The following GYS2 variants were observed in gnomAD, a reference collection of about 807,000 sequenced individuals.
GYS2 encodes the protein glycogen synthase 2, also known as glycogen [starch] synthase, liver.
Under a neutral mutation model 85.6 loss-of-function variants are expected in GYS2, and 80 were observed. The ratio of observed to expected loss-of-function variants is 0.93; its 90% confidence interval spans 0.78 to 1.13. The LOEUF is 1.13. GYS2 is among the 50% of genes most tolerant of loss of function. The probability of loss-of-function intolerance (pLI) is 0.00; values close to 1 mark genes in which losing one functional copy is unlikely to be tolerated. For missense variants in GYS2, 881 were observed against 854.9 expected (o/e 1.03, Z -0.38); for synonymous variants, 328 against 300.7 (o/e 1.09, Z -0.94).
chr12:21,596,407 A>T (rs1184934544), intron 1 of GYS2, among the ~76,000 whole-genome samples: 2 of 152,142 alleles, frequency 1.3e-5, no homozygotes, highest in African/African-American at 4.8e-5. Context: ...CACCATGATC[A>T]AGCAGGTTCC....
chr12:21,601,531 C>T (rs1227758094), intron 1 of GYS2, among the ~76,000 whole-genome samples: 1 of 152,122 alleles, frequency 6.6e-6, no homozygotes, highest in Non-Finnish European at 1.5e-5. Flanking sequence ...AGTTCTCTCA[C>T]ATAGAACGCT....
intron 11 of GYS2, among the ~76,000 whole-genome samples, chr12:21,556,535 A>C (rs1944181590): frequency 6.6e-6 from 1 of 152,088 alleles, no homozygotes; most frequent in African/African-American, 2.4e-5. Flanking sequence ...CCATGCACCA[A>C]TGTCTCTCCT....
At chr12:21,601,283 C>A (rs1038989352) in intron 1 of GYS2, among the ~76,000 whole-genome samples, 1 of 152,038 alleles carries the variant, frequency 6.6e-6, no homozygotes, top group Non-Finnish European at 1.5e-5. Flanking sequence ...AACAGTGCTT[C>A]TTCCAAAACA....
intron 1 of GYS2, among the ~76,000 whole-genome samples, chr12:21,580,777 G>T (rs1001755371): frequency 6.6e-6 from 1 of 152,134 alleles, no homozygotes; most frequent in Non-Finnish European, 1.5e-5. Context: ...GGCTGATGCC[G>T]CAAAGAGGTC....
rs1480378788 is a variant in GYS2, at chr12:21,536,967, T to G, written c.2099A>C (p.Glu700Ala). Residue 700 changes from glutamate to alanine, a missense_variant, in exon 16 of 16, where the codon GAA becomes GCA. Coordinates refer to ENST00000261195, the MANE Select transcript of GYS2 (RefSeq NM_021957.4). Reference protein sequence around the residue: ...VPHGKKKLHGEYKN With the variant: ...VPHGKKKLHGAYKN ...CACATGTAGAATTCAGTTCTTATATTCACCATGCAGCTTTTTCTTCCCATG... is the reference window on the plus strand; with the variant it reads ...CACATGTAGAATTCAGTTCTTATATGCACCATGCAGCTTTTTCTTCCCATG... 2 of 1,611,218 alleles carry G rather than the reference T, an allele frequency of 1.2e-6. No individual in the cohort carries two copies. The highest frequency in any genetic ancestry group is 1.7e-6 in the Non-Finnish European group (2 of 1,177,410).
intron 11 of GYS2, among the ~76,000 whole-genome samples, chr12:21,550,630 GA>G (rs1372304551): frequency 2.0e-5 from 3 of 152,202 alleles, no homozygotes; most frequent in African/African-American, 7.2e-5. Flanking sequence ...GTTCTGGAAG[GA>G]AAAGGAAAGA....
At chr12:21,583,424 C>A (rs541117864) in intron 1 of GYS2, among the ~76,000 whole-genome samples, 1 of 152,252 alleles carries the variant, frequency 6.6e-6, no homozygotes, top group Non-Finnish European at 1.5e-5. Flanking sequence ...TACTCTGGCC[C>A]ATTTATCGAG....
chr12:21,568,677 TC>T (rs1367206086), intron 5 of GYS2, among the ~76,000 whole-genome samples, 187 bp downstream of exon 5: 11 of 152,196 alleles, frequency 7.2e-5, no homozygotes, highest in Admixed American at 1.3e-4. Context: ...TTAGCCATGT[TC>T]CAGATATAGC....
At chr12:21,557,548 T>A in intron 11 of GYS2, among the ~76,000 whole-genome samples, 1 of 152,244 alleles carries the variant, frequency 6.6e-6, no homozygotes, top group Middle Eastern at 3.2e-3. Context: ...CTATCCATGT[T>A]AATATCAACG....
At chr12:21,599,457 C>T (rs1190003026) in intron 1 of GYS2, among the ~76,000 whole-genome samples, 1 of 152,160 alleles carries the variant, frequency 6.6e-6, no homozygotes, top group Non-Finnish European at 1.5e-5. Flanking sequence ...ACACTTTGAA[C>T]AAGACCACCT....
chr12:21,551,797 A>G (rs1944113918), intron 11 of GYS2, among the ~76,000 whole-genome samples: 1 of 152,186 alleles, frequency 6.6e-6, no homozygotes, highest in African/African-American at 2.4e-5. Context: ...AAAGACACAG[A>G]TACTGTATCT....
rs1016422707 is a variant in GYS2 at position 21,568,760 on chromosome 12, G to T, written c.823+105C>A. On this transcript the variant is annotated intron_variant, in intron 5 of 15. Coordinates refer to ENST00000261195, the MANE Select transcript of GYS2 (RefSeq NM_021957.4). ...ACATAAAAAGAGCTGCGTGGTAACT[G>T]AATGCAATTTTTCCTCAAACTACTA... 6.3e-6 allele frequency: 6 copies of T among 949,626 alleles called. No homozygotes were observed. The Admixed American group carries it at 8.5e-5, about 13-fold the overall frequency. 58.8% of individuals were successfully genotyped at this position (949,626 alleles called of 1,614,324 possible).
rs1260162299 is a variant in GYS2, at chr12:21,580,263, C to G, written c.303+79G>C. The G allele has an allele frequency of 1.0e-5, 13 of 1,255,546 alleles. No homozygotes were observed. In the African/African-American group the frequency reaches 1.3e-4, roughly 13 times the overall value. 77.8% of individuals were successfully genotyped at this position (1,255,546 alleles called of 1,614,324 possible). A position where few individuals can be genotyped will look rare whatever the true frequency, so the allele number is the denominator to read the frequency against. ...TCCTTAAGTAAGTGAATGGTCTTCT[C>G]TTGTGAGTTCATGTTAGTTACAGTC... On this transcript the variant is annotated intron_variant, in intron 2 of 15. Transcript: ENST00000261195.
intron 1 of GYS2, among the ~76,000 whole-genome samples, chr12:21,589,433 A>C (rs1944610040): frequency 6.6e-6 from 1 of 152,250 alleles, no homozygotes; most frequent in Non-Finnish European, 1.5e-5. Flanking sequence ...ATAAAGCTTA[A>C]AAAATTTCAA....
At position 21,546,456 on chromosome 12, in the gene GYS2, T is replaced by C. The variant is rs770194631; in HGVS notation, c.1437A>G (p.Pro479=). 8 of 1,600,392 alleles carry C rather than the reference T, an allele frequency of 5.0e-6. No homozygotes were observed. Among genetic ancestry groups the C allele is most frequent in the South Asian group, 1.1e-5 (1 of 89,762 alleles). ...RTDRVKVILH[P]EFLSSTSPLL... is the part of the protein sequence containing the mutation. ...AGGGACTGGTGGAGGATAGAAACTC[T>C]GGGTGCAAAATCACCTAAAAAAGGA... is the stretch of plus-strand genomic sequence containing the variant. The change falls in exon 12 of 16, where the codon CCA becomes CCG. Residue 479 remains proline, a synonymous_variant. Transcript: ENST00000261195.
intron 7 of GYS2, among the ~76,000 whole-genome samples, chr12:21,562,315 G>A (rs1944263345): frequency 6.6e-6 from 1 of 152,064 alleles, no homozygotes; most frequent in African/African-American, 2.4e-5. Flanking sequence ...GTGTGTATGT[G>A]TCTGCCCTGT....
intron 4 of GYS2, among the ~76,000 whole-genome samples, chr12:21,571,444 G>A (rs1369074579): frequency 6.6e-6 from 1 of 151,994 alleles, no homozygotes; most frequent in Admixed American, 6.6e-5. Context: ...TTGAATTCTG[G>A]ATAATGTGTA....
At chr12:21,548,971 A>G (rs1944074438) in intron 11 of GYS2, among the ~76,000 whole-genome samples, 1 of 152,312 alleles carries the variant, frequency 6.6e-6, no homozygotes, top group African/African-American at 2.4e-5. Flanking sequence ...ATAGGCATAT[A>G]CTACAAATCA....
At chr12:21,601,570 G>GA (rs1944757000) in intron 1 of GYS2, among the ~76,000 whole-genome samples, 1 of 152,078 alleles carries the variant, frequency 6.6e-6, no homozygotes, top group Admixed American at 6.6e-5. Context: ...TATCCTTCAA[G>GA]TGTCAGCTCA....
Sources: gnomAD v4.1 joint callset for allele counts (sites outside exome capture counted in the v4.1 genomes callset) on GRCh38, gnomAD v4.1.1 for gene constraint, MANE v1.5 for transcripts, NCBI Gene and HGNC (gene_info 2026-07-23, HGNC 2026-07-21) for gene names.